Variants in NAA11 observed in about 807,000 individuals in gnomAD.
The protein encoded by NAA11 is N-alpha-acetyltransferase 11, NatA catalytic subunit, also known as N-alpha-acetyltransferase 11.
Under a neutral mutation model 16.1 loss-of-function variants are expected in NAA11, and 15 were observed. That is an observed-to-expected ratio of 0.93 (90% confidence interval 0.62 to 1.44). The LOEUF is 1.44. Among genes scored for constraint, NAA11 ranks in the 40% most tolerant of loss-of-function variants. The pLI is 0.00. For missense variants in NAA11, 298 were observed against 291.3 expected, an observed-to-expected ratio of 1.02 and a Z score of -0.17; for synonymous variants, 122 against 112.4, an observed-to-expected ratio of 1.09 and a Z score of -0.54.
At chr4:79,304,346 C>A (rs1723499991) in intron 1 of NAA11, among the ~76,000 whole-genome samples, 1 of 152,124 alleles carries the variant, frequency 6.6e-6, no homozygotes, top group Non-Finnish European at 1.5e-5. Context: ...CACAACATTG[C>A]AAAATATATT....
At chr4:79,237,170 A>T (rs111569930) in intron 2 of NAA11, among the ~76,000 whole-genome samples, 1 of 152,228 alleles carries the variant, frequency 6.6e-6, no homozygotes, top group Non-Finnish European at 1.5e-5. Flanking sequence ...TATGGCCAAA[A>T]TTTACTGTAT....
At chr4:79,241,726 T>C (rs776668760) in intron 2 of NAA11, among the ~76,000 whole-genome samples, 1 of 152,218 alleles carries the variant, frequency 6.6e-6, no homozygotes, top group African/African-American at 2.4e-5. Context: ...CTCCTCATTT[T>C]GGGGAAAGGG....
intron 1 of NAA11, among the ~76,000 whole-genome samples, chr4:79,311,252 T>C (rs1318504947): frequency 6.6e-6 from 1 of 152,214 alleles, no homozygotes; most frequent in Non-Finnish European, 1.5e-5. Flanking sequence ...ACAGTCTGTT[T>C]TCATTATTCA....
At chr4:79,319,789 G>T (rs1285403489) in intron 1 of NAA11, among the ~76,000 whole-genome samples, 1 of 152,092 alleles carries the variant, frequency 6.6e-6, no homozygotes, top group African/African-American at 2.4e-5. Flanking sequence ...GGCATATCTG[G>T]GGTAAGGTTA....
chr4:79,228,305 C>G (rs950704219), intron 2 of NAA11, among the ~76,000 whole-genome samples: 1 of 151,954 alleles, frequency 6.6e-6, no homozygotes, highest in East Asian at 1.9e-4. Flanking sequence ...ACTCTGACCA[C>G]TAAAGAATTT....
At chr4:79,272,639 GTTT>G (rs1722523199) in intron 2 of NAA11, among the ~76,000 whole-genome samples, 2 of 152,070 alleles carry the variant, frequency 1.3e-5, no homozygotes, top group South Asian at 2.1e-4. Context: ...TAGTAAAGAG[GTTT>G]TTATCTCAGG....
At chr4:79,178,081 A>G in the NAA11 span, among the ~76,000 whole-genome samples, 1 of 152,330 alleles carries the variant, frequency 6.6e-6, no homozygotes, top group South Asian at 2.1e-4. Context: ...CTTTTGAACA[A>G]TAATATTTAG....
the NAA11 span, among the ~76,000 whole-genome samples, chr4:79,156,112 A>G: frequency 1.3e-5 from 2 of 152,214 alleles, no homozygotes; most frequent in Non-Finnish European, 2.9e-5. Context: ...AAACTACAGT[A>G]AAACCCACAT....
At chr4:79,237,618 T>C (rs1388133393) in intron 2 of NAA11, among the ~76,000 whole-genome samples, 1 of 152,196 alleles carries the variant, frequency 6.6e-6, no homozygotes, top group African/African-American at 2.4e-5. Context: ...TAGGATTGTG[T>C]TACTCTGATT....
chr4:79,180,759 TG>T, the NAA11 span, among the ~76,000 whole-genome samples: 94,341 of 151,366 alleles, frequency 0.62, 32,526 homozygotes, highest in East Asian at 0.88. Flanking sequence ...TAAATCATGC[TG>T]CTATAAAGAC....
At chr4:79,279,997 G>T (rs1722747805) in intron 2 of NAA11, among the ~76,000 whole-genome samples, 1 of 152,004 alleles carries the variant, frequency 6.6e-6, no homozygotes, top group Admixed American at 6.6e-5. Flanking sequence ...TGGATGTTTT[G>T]CCACTTTCCT....
At chr4:79,270,411 A>G (rs1010316875) in intron 2 of NAA11, among the ~76,000 whole-genome samples, 18 of 151,004 alleles carry the variant, frequency 1.2e-4, no homozygotes, top group African/African-American at 4.4e-4. Flanking sequence ...AAAAGAGTCC[A>G]GGACCAGATG....
At chr4:79,262,099 C>T (rs1029320139) in intron 2 of NAA11, among the ~76,000 whole-genome samples, 2 of 152,000 alleles carry the variant, frequency 1.3e-5, no homozygotes, top group East Asian at 1.9e-4. Context: ...TCAATGGATT[C>T]GTACCCAGTC....
At chr4:79,244,609 A>ACTCTCC (rs1721762157) in intron 2 of NAA11, 7 of 85,322 alleles carry the variant, frequency 8.2e-5, no homozygotes, top group Non-Finnish European at 1.6e-4. Context: ...TTTGAGTCTC[A>ACTCTCC]CTCTCCCTCT....
intron 2 of NAA11, among the ~76,000 whole-genome samples, chr4:79,288,393 T>G (rs1722998981): frequency 6.6e-6 from 1 of 152,160 alleles, no homozygotes; most frequent in South Asian, 2.1e-4. Flanking sequence ...TTATGCAAGG[T>G]CAGCAGCATT....
At chr4:79,279,154 C>T (rs1291034917) in intron 2 of NAA11, among the ~76,000 whole-genome samples, 1 of 152,020 alleles carries the variant, frequency 6.6e-6, no homozygotes, top group African/African-American at 2.4e-5. Flanking sequence ...AGTAGGTACC[C>T]AATAAATATT....
intron 1 of NAA11, among the ~76,000 whole-genome samples, chr4:79,310,489 G>A (rs1049121217): frequency 2.6e-5 from 4 of 152,160 alleles, no homozygotes; most frequent in African/African-American, 4.8e-5. Context: ...AGAAGGTACT[G>A]GAAGAAAAAT....
the NAA11 span, among the ~76,000 whole-genome samples, chr4:79,155,653 C>T: frequency 6.6e-6 from 1 of 152,164 alleles, no homozygotes; most frequent in Admixed American, 6.5e-5. Context: ...GGCAAAAACA[C>T]GTGTTGCCAA....
chr4:79,165,671 T>C, the NAA11 span, among the ~76,000 whole-genome samples: 2 of 152,198 alleles, frequency 1.3e-5, no homozygotes, highest in Admixed American at 6.5e-5. Context: ...GGGAGACATC[T>C]ACAAAATATA....
Sources: allele counts gnomAD v4.1 joint callset (sites outside exome capture counted in the v4.1 genomes callset), GRCh38; gene constraint gnomAD v4.1.1; transcripts MANE v1.5; gene names NCBI Gene and HGNC (gene_info 2026-07-23, HGNC 2026-07-21).